AGBL4: variants seen among roughly 807,000 people sequenced by gnomAD.
AGBL4 encodes cytosolic carboxypeptidase 6.
AGBL4 carries 58 observed loss-of-function variants against 66.4 expected under a neutral mutation model. The observed-to-expected ratio is 0.87, with a 90% CI of 0.71 to 1.09. AGBL4 has a LOEUF of 1.09. Among genes scored for constraint, AGBL4 ranks in the 50% least tolerant of loss-of-function variants. AGBL4 has a pLI of 0.00. For synonymous variants in AGBL4, 234 were observed against 222.9 expected (o/e 1.05, Z -0.44); for missense variants, 579 against 631.0 (o/e 0.92, Z 0.88).
At chr1:49,112,567 T>C (rs1045774525) in intron 4 of AGBL4, among the ~76,000 whole-genome samples, 8 of 152,246 alleles carry the variant, frequency 5.3e-5, no homozygotes, top group African/African-American at 1.9e-4. Context: ...TTTTTCAAAA[T>C]TGGACTCAAT....
At chr1:48,537,740 C>A (rs976115398) in intron 12 of AGBL4, among the ~76,000 whole-genome samples, 1 of 152,180 alleles carries the variant, frequency 6.6e-6, no homozygotes, top group African/African-American at 2.4e-5. Context: ...AGGCAGAGGA[C>A]CTGAAAGAGA....
At position 49,579,859 on chromosome 1, in the gene AGBL4, GTGTCTTTGTTAATTTTCT is replaced by G. The variant is rs1159331029; in HGVS notation, c.282+117436_282+117453del. ...GTCTAAAGTCCAATTTAAGTCCAGT[GTGTCTTTGTTAATTTTCT>G]TGATAATCTGTCCAATGCTGTGAGT... On this transcript the variant is annotated intron_variant, in intron 3 of 13. Transcript: ENST00000371839. 2.0e-5 allele frequency among the ~76,000 whole-genome samples: 3 copies of G among 152,284 alleles called. No individual in the cohort carries two copies. In the East Asian group the frequency reaches 5.8e-4, roughly 29 times the overall value.
At chr1:49,868,205 T>C (rs1324193665) in intron 1 of AGBL4, among the ~76,000 whole-genome samples, 1 of 152,188 alleles carries the variant, frequency 6.6e-6, no homozygotes, top group Non-Finnish European at 1.5e-5. Context: ...CTGCCCAAAG[T>C]AATTTATAGA....
the AGBL4 span, among the ~76,000 whole-genome samples, chr1:48,522,925 CAAAA>C: frequency 2.2e-5 from 3 of 133,670 alleles, no homozygotes; most frequent in Non-Finnish European, 1.6e-5. Flanking sequence ...GACTCCATCT[CAAAA>C]AAAAAAAAAA....
At chr1:49,254,651 C>T (rs1372799347) in intron 3 of AGBL4, among the ~76,000 whole-genome samples, 1 of 151,910 alleles carries the variant, frequency 6.6e-6, no homozygotes, top group African/African-American at 2.4e-5. Context: ...CTTCACAGAA[C>T]TAGAGAAAAA....
chr1:49,895,890 T>C (rs980996145), intron 1 of AGBL4, among the ~76,000 whole-genome samples: 5 of 148,974 alleles, frequency 3.4e-5, no homozygotes, highest in Middle Eastern at 3.4e-3. Flanking sequence ...TAACATCAAA[T>C]GTAAATATAC....
intron 3 of AGBL4, among the ~76,000 whole-genome samples, chr1:49,538,638 G>A (rs533877299): frequency 1.3e-5 from 2 of 152,224 alleles, no homozygotes; most frequent in East Asian, 3.9e-4. Flanking sequence ...GTGGCAAAAT[G>A]AGTGAAAATC....
intron 3 of AGBL4, among the ~76,000 whole-genome samples, chr1:49,669,001 G>A (rs1355355215): frequency 6.6e-6 from 1 of 152,072 alleles, no homozygotes; most frequent in African/African-American, 2.4e-5. Flanking sequence ...TCAAGGCAAT[G>A]GAAATACAAA....
At chr1:49,654,086 C>G (rs1646066871) in intron 3 of AGBL4, among the ~76,000 whole-genome samples, 1 of 152,100 alleles carries the variant, frequency 6.6e-6, no homozygotes, top group African/African-American at 2.4e-5. Context: ...AAGGCCAGGT[C>G]ACCTATAAAA....
intron 5 of AGBL4, among the ~76,000 whole-genome samples, chr1:49,045,148 G>A (rs897950393): frequency 9.2e-5 from 14 of 152,172 alleles, no homozygotes; most frequent in Non-Finnish European, 1.6e-4. Flanking sequence ...TTGCTAACCT[G>A]TACTGCAGGC....
At chr1:49,631,529 T>G (rs1645569154) in intron 3 of AGBL4, among the ~76,000 whole-genome samples, 1 of 152,186 alleles carries the variant, frequency 6.6e-6, no homozygotes, top group Non-Finnish European at 1.5e-5. Context: ...CTTGCACATT[T>G]TCTCAGTTTC....
At chr1:49,444,299 T>C (rs924128572) in intron 3 of AGBL4, among the ~76,000 whole-genome samples, 3 of 152,066 alleles carry the variant, frequency 2.0e-5, no homozygotes, top group Middle Eastern at 3.2e-3. Context: ...TTTAATCCAA[T>C]GTGTTTTTTT....
intron 1 of AGBL4, among the ~76,000 whole-genome samples, chr1:49,926,661 G>A (rs1355060397): frequency 6.6e-6 from 1 of 152,076 alleles, no homozygotes; most frequent in African/African-American, 2.4e-5. Flanking sequence ...ATAACACAGA[G>A]AAGAAATTCT....
At chr1:49,493,011 A>C (rs533177145) in intron 3 of AGBL4, among the ~76,000 whole-genome samples, 1 of 152,058 alleles carries the variant, frequency 6.6e-6, no homozygotes, top group South Asian at 2.1e-4. Flanking sequence ...AGTGCCAAGC[A>C]AAAGAGAAAA....
intron 1 of AGBL4, among the ~76,000 whole-genome samples, chr1:49,947,962 AAATATATATATTTATAAATATATATTTAT>A (rs1301127011): frequency 4.4e-4 from 34 of 77,180 alleles, no homozygotes; most frequent in Admixed American, 5.8e-4. Context: ...ATATATATAT[AAATATATATATTTATAAATATATATTTAT>A]ATATATAAAT....
At chr1:48,946,040 G>T (rs1045229770) in intron 5 of AGBL4, among the ~76,000 whole-genome samples, 1 of 152,046 alleles carries the variant, frequency 6.6e-6, no homozygotes, top group African/African-American at 2.4e-5. Flanking sequence ...TTCTGTTCAC[G>T]CTATTCCACC....
intron 6 of AGBL4, among the ~76,000 whole-genome samples, chr1:48,686,851 A>G (rs6672491): frequency 0.13 from 19,112 of 152,290 alleles, 3,914 homozygotes; most frequent in African/African-American, 0.43. Context: ...GTCAGTGCCC[A>G]GACTCTGCCC....
At chr1:48,866,265 C>T (rs1211456220) in intron 6 of AGBL4, among the ~76,000 whole-genome samples, 1 of 152,214 alleles carries the variant, frequency 6.6e-6, no homozygotes, top group East Asian at 1.9e-4. Flanking sequence ...CAGAGTTCAG[C>T]CATGCTGGTT....
At position 48,533,035 on chromosome 1, in the gene AGBL4, CTCAAACAA is replaced by C. The variant is rs1362542530; in HGVS notation, c.*1130_*1137del. On this transcript the variant is annotated 3_prime_UTR_variant, in exon 14 of 14. Coordinates refer to ENST00000371839, the MANE Select transcript of AGBL4 (RefSeq NM_032785.4). ...TGTAGCAAACTTCAATAATCTCCAA[CTCAAACAA>C]ACAAACAAACAAACAAACAAACAAA... 1 of 150,840 alleles carries C rather than the reference CTCAAACAA, an allele frequency of 6.6e-6. No homozygotes were observed. Among genetic ancestry groups the C allele is most frequent in the African/African-American group, 2.4e-5 (1 of 41,112 alleles). 9.3% of individuals were successfully genotyped at this position (150,840 alleles called of 1,614,324 possible). A position where few individuals can be genotyped will look rare whatever the true frequency, so the allele number is the denominator to read the frequency against.
Sources: gnomAD v4.1 joint callset for allele counts (sites outside exome capture counted in the v4.1 genomes callset) on GRCh38, gnomAD v4.1.1 for gene constraint, MANE v1.5 for transcripts, NCBI Gene and HGNC (gene_info 2026-07-23, HGNC 2026-07-21) for gene names.